Variants in HABP2 observed in about 807,000 individuals in gnomAD.
HABP2 encodes hyaluronan binding protein 2, also known as factor VII-activating protease.
In HABP2, 65 loss-of-function variants were observed where a neutral mutation model predicts 66.5. The ratio of observed to expected loss-of-function variants is 0.98; its 90% confidence interval spans 0.80 to 1.20. The LOEUF (loss-of-function observed/expected upper bound fraction) is 1.20, where lower values mean the gene tolerates loss of function less well. HABP2 is among the 50% of genes most tolerant of loss of function. The pLI is 0.00. For missense variants in HABP2, 786 were observed against 691.0 expected (o/e 1.14, Z -1.54); for synonymous variants, 263 against 253.9 (o/e 1.04, Z -0.34).
chr10:113,555,633 C>A (rs903521370), intron 1 of HABP2, among the ~76,000 whole-genome samples: 1 of 152,130 alleles, frequency 6.6e-6, no homozygotes, highest in Non-Finnish European at 1.5e-5. Flanking sequence ...AGATATGGGT[C>A]AAAAATCATT....
At chr10:113,561,787 T>C (rs896762778) in intron 1 of HABP2, among the ~76,000 whole-genome samples, 3 of 152,210 alleles carry the variant, frequency 2.0e-5, no homozygotes, top group African/African-American at 7.2e-5. Flanking sequence ...GCTTTTTGTT[T>C]TGTCTTCCAG....
chr10:113,553,956 C>T (rs577002559), intron 1 of HABP2, among the ~76,000 whole-genome samples: 1 of 152,156 alleles, frequency 6.6e-6, no homozygotes, highest in Non-Finnish European at 1.5e-5. Flanking sequence ...ATAGAGTCTC[C>T]TTGGAGTTCC....
In HABP2 at chr10:113,577,735, C is replaced by T. The variant is rs1845438270; in HGVS notation, c.449-291C>T. ...AGAGCTCTACCTAGCTCAGACAGGG[C>T]CCACCACTCCTGCTCCGTCCATGCT... On this transcript the variant is annotated intron_variant, in intron 5 of 12. Transcript: ENST00000351270. Among the ~76,000 whole-genome samples, 3 of 152,192 alleles carry T rather than the reference C, an allele frequency of 2.0e-5. No homozygotes were observed. In the South Asian group the frequency reaches 6.2e-4, roughly 31 times the overall value.
intron 1 of HABP2, among the ~76,000 whole-genome samples, chr10:113,561,154 G>T (rs559302628): frequency 1.3e-5 from 2 of 152,238 alleles, no homozygotes; most frequent in African/African-American, 4.8e-5. Flanking sequence ...GAAGGAGCCC[G>T]TGTCTCTGAA....
Position 113,567,186 on chromosome 10 carries a change from G to A in HABP2, c.70-303G>A, listed in dbSNP as rs11196380. Among the ~76,000 whole-genome samples the A allele has an allele frequency of 0.18, 28,023 of 152,012 alleles. 3,261 individuals carry two copies. Among genetic ancestry groups the A allele is most frequent in the East Asian group, 0.43 (2,208 of 5,138 alleles). On this transcript the variant is annotated intron_variant, in intron 1 of 12. Transcript: ENST00000351270. The stretch of plus-strand genomic sequence containing the variant: ...GTAGATGAAACTCACTGCACCTGAC[G>A]AGCACACCAGTACCTGGGCAGCCGT...
Position 113,576,013 on chromosome 10 carries a change from G to A in HABP2, c.331+9G>A, listed in dbSNP as rs370374001. ...GAATAAGTGTCAGAAAGGTGAGTCC[G>A]TCATCACTAGTCCACTCTTCCCTCT... is the stretch of plus-strand genomic sequence containing the variant. On this transcript the variant is annotated intron_variant, in intron 4 of 12. Coordinates refer to ENST00000351270, the MANE Select transcript of HABP2 (RefSeq NM_004132.5). 3.9e-5 allele frequency: 52 copies of A among 1,345,386 alleles called. 1 individual carries two copies. The highest frequency in any genetic ancestry group is 3.6e-4 in the Middle Eastern group (2 of 5,582). 83.3% of individuals were successfully genotyped at this position (1,345,386 alleles called of 1,614,324 possible). A position where few individuals can be genotyped will look rare whatever the true frequency, so the allele number is the denominator to read the frequency against.
chr10:113,564,154 A>G (rs1481027751), intron 1 of HABP2, among the ~76,000 whole-genome samples: 3 of 152,162 alleles, frequency 2.0e-5, no homozygotes, highest in Non-Finnish European at 2.9e-5. Flanking sequence ...CAGGCAAAAC[A>G]GTGTATGCAG....
chr10:113,588,458 T>C lies in HABP2; in HGVS notation c.*89T>C. 1.0e-6 allele frequency: 1 copy of C among 960,724 alleles called. No individual in the cohort carries two copies. The highest frequency in any genetic ancestry group is 1.6e-6 in the Non-Finnish European group (1 of 643,508). 59.5% of individuals were successfully genotyped at this position (960,724 alleles called of 1,614,324 possible). A position where few individuals can be genotyped will look rare whatever the true frequency, so the allele number is the denominator to read the frequency against. On this transcript the variant is annotated 3_prime_UTR_variant, in exon 13 of 13. Transcript: ENST00000351270. Reference sequence around the variant, plus strand: ...GCCAACAATGGACACCTCCAGAGCCTCCAGGGGACCACACAGTAGACTATC... The same window carrying C: ...GCCAACAATGGACACCTCCAGAGCCCCCAGGGGACCACACAGTAGACTATC...
At chr10:113,577,932 A>G in intron 5 of HABP2, 94 bp from the exon 6 acceptor site, 1 of 1,461,368 alleles carries the variant, frequency 6.8e-7, no homozygotes, top group African/African-American at 1.4e-5. Context: ...AAGGATGGAC[A>G]CCAGTAGAAT....
rs549719819 is a variant in HABP2, at chr10:113,589,135, G to A, written c.*766G>A. ...ATGAAGCTCCCCCACCCCCACTCCC[G>A]GCCCCGGTTCCCACAGGACACGCTA... is the stretch of plus-strand genomic sequence containing the variant. On this transcript the variant is annotated 3_prime_UTR_variant, in exon 13 of 13. Transcript: ENST00000351270. 4.6e-5 allele frequency: 66 copies of A among 1,440,092 alleles called. 1 individual carries two copies. Among genetic ancestry groups the A allele is most frequent in the South Asian group, 2.6e-4 (22 of 85,464 alleles). The allele number at this position is 1,440,092 out of a possible 1,614,324, so 89.2% of individuals were successfully genotyped here. A position where few individuals can be genotyped will look rare whatever the true frequency, so the allele number is the denominator to read the frequency against.
At chr10:113,558,234 G>A (rs1368444558) in intron 1 of HABP2, among the ~76,000 whole-genome samples, 1 of 152,188 alleles carries the variant, frequency 6.6e-6, no homozygotes, top group Non-Finnish European at 1.5e-5. Context: ...TTCGTTCAGT[G>A]TTTTCAAAAC....
intron 1 of HABP2, among the ~76,000 whole-genome samples, chr10:113,560,596 A>G (rs1376529363): frequency 6.6e-6 from 1 of 152,256 alleles, no homozygotes; most frequent in Non-Finnish European, 1.5e-5. Context: ...ATTATTCACA[A>G]TAGCCAAAAG....
intron 3 of HABP2, among the ~76,000 whole-genome samples, chr10:113,575,008 C>T (rs1333290771): frequency 1.5e-5 from 2 of 135,064 alleles, no homozygotes; most frequent in Non-Finnish European, 1.6e-5. Flanking sequence ...GTTTTTGTGG[C>T]TTCTTAACCC....
intron 2 of HABP2, among the ~76,000 whole-genome samples, chr10:113,572,333 A>G (rs1845329129): frequency 6.6e-6 from 1 of 152,234 alleles, no homozygotes; most frequent in African/African-American, 2.4e-5. Flanking sequence ...ACACCATACC[A>G]TCTACATCAG....
chr10:113,560,866 G>C (rs1373614232), intron 1 of HABP2, among the ~76,000 whole-genome samples: 1 of 152,236 alleles, frequency 6.6e-6, no homozygotes, highest in Non-Finnish European at 1.5e-5. Flanking sequence ...GGCTGAGGGA[G>C]AATAAGAAGG....
chr10:113,588,715 C>T lies in HABP2; in HGVS notation c.*346C>T, dbSNP rs180741208. 9.1e-6 allele frequency: 5 copies of T among 548,836 alleles called. No homozygotes were observed. In the Admixed American group the frequency reaches 1.7e-4, roughly 19 times the overall value. 34.0% of individuals were successfully genotyped at this position (548,836 alleles called of 1,614,324 possible). A position where few individuals can be genotyped will look rare whatever the true frequency, so the allele number is the denominator to read the frequency against. ...ATGCAGACTCCAGAATCCCCAGCAT[C>T]AGCGGGAACCACCATCACATCTTTA... On this transcript the variant is annotated 3_prime_UTR_variant, in exon 13 of 13. Coordinates refer to ENST00000351270, the MANE Select transcript of HABP2 (RefSeq NM_004132.5).
chr10:113,569,101 T>C (rs11575670), intron 2 of HABP2, among the ~76,000 whole-genome samples: 58,667 of 152,060 alleles, frequency 0.39, 12,921 homozygotes, highest in Non-Finnish European at 0.5. Context: ...TCAGAGTTGT[T>C]CAAAAATCTG....
intron 8 of HABP2, 60 bp from the exon 9 acceptor site, chr10:113,581,815 GC>G: frequency 1.3e-6 from 2 of 1,565,934 alleles, no homozygotes; most frequent in Non-Finnish European, 1.8e-6. Context: ...CTCTGCCTGA[GC>G]CCTGCTGAGG....
At chr10:113,554,572 A>C (rs1844956965) in intron 1 of HABP2, among the ~76,000 whole-genome samples, 3 of 152,158 alleles carry the variant, frequency 2.0e-5, no homozygotes, top group African/African-American at 7.2e-5. Flanking sequence ...AAGCCCCTAC[A>C]TCATTTGATG....
Sources: gnomAD v4.1 joint callset for allele counts (sites outside exome capture counted in the v4.1 genomes callset) on GRCh38, gnomAD v4.1.1 for gene constraint, MANE v1.5 for transcripts, NCBI Gene and HGNC (gene_info 2026-07-23, HGNC 2026-07-21) for gene names.